DST: variants seen among roughly 807,000 people sequenced by gnomAD.
The protein encoded by DST is bullous pemphigoid antigen.
A neutral mutation model predicts 875.2 loss-of-function variants in DST; 253 were observed. The ratio of observed to expected loss-of-function variants is 0.29; its 90% CI spans 0.26 to 0.32. The LOEUF (loss-of-function observed/expected upper bound fraction) is 0.32. Ranked by LOEUF, DST falls within the 10% of genes least tolerant of loss-of-function variation. The pLI is 1.00. For missense variants in DST, 8,287 were observed against 9,111.6 expected (o/e 0.91, Z 3.68); for synonymous variants, 3,124 against 3,197.1 (o/e 0.98, Z 0.77).
chr6:56,832,007 T>C (rs2099787684), intron 4 of DST, among the ~76,000 whole-genome samples: 1 of 152,224 alleles, frequency 6.6e-6, no homozygotes, highest in Admixed American at 6.5e-5. Context: ...TAAATTTCTA[T>C]ATAGTTTTCT....
At chr6:56,477,569 A>G in intron 90 of DST, 81 bp from the exon 91 acceptor site, 1 of 1,554,062 alleles carries the variant, frequency 6.4e-7, no homozygotes, top group Non-Finnish European at 8.8e-7. Context: ...TGACTGCCAG[A>G]ATTAAACAAA....
rs530504957 is a variant in DST, at chr6:56,674,730, T to C, written c.1048-3923A>G. Among the ~76,000 whole-genome samples the C allele has an allele frequency of 2.0e-5, 3 of 152,300 alleles. No individual in the cohort carries two copies. In the South Asian group the frequency reaches 6.2e-4, roughly 32 times the overall value. On this transcript the variant is annotated intron_variant, in intron 9 of 103. Transcript: ENST00000680361. ...TTTAACCAAGGAGATAAAAGACCTT[T>C]ATACTGAAAACACTGATGAAAGAAA...
In DST at chr6:56,472,164, G is replaced by C; in HGVS notation, c.22053C>G (p.Thr7351=). ...YPSGSQTQIE[T]KNPRVNLLVS... is the part of the protein sequence containing the mutation. ...CCAGTAAGTTTACCCTAGGATTTTT[G>C]GTTTCAATTTGTGTCTGTGACCCAG... Residue 7351 remains threonine, a synonymous_variant, in exon 94 of 104, where the codon ACC becomes ACG. Transcript: ENST00000680361. 1 of 1,613,814 alleles carries C rather than the reference G, an allele frequency of 6.2e-7. No homozygotes were observed. Among genetic ancestry groups the C allele is most frequent in the Non-Finnish European group, 8.5e-7 (1 of 1,179,814 alleles).
intron 36 of DST, among the ~76,000 whole-genome samples, chr6:56,622,542 T>C (rs2098699800): frequency 8.6e-6 from 1 of 116,280 alleles, no homozygotes. Flanking sequence ...GCCACTGCAC[T>C]CCAGCCTGGG....
Position 56,608,254 on chromosome 6 carries a change from T to G in DST, c.6374A>C (p.Lys2125Thr). ...GTTGTTGTCTATAATTCCTAGCTGT[T>G]TAGCAGCATCCAAACCAATGACTTG... ...SSQVIGLDAA[K>T]QLGIIDNNTA... Residue 2125 changes from lysine to threonine, a missense_variant, in exon 40 of 104, where the codon AAA becomes ACA. By Grantham distance (78) the Lys-to-Thr change is moderately conservative. Coordinates refer to ENST00000680361, the MANE Select transcript of DST (RefSeq NM_001374736.1). The G allele has an allele frequency of 6.2e-7, 1 of 1,613,768 alleles. No individual in the cohort carries two copies.
At chr6:56,726,759 T>C (rs1455007499) in intron 5 of DST, among the ~76,000 whole-genome samples, 2 of 152,214 alleles carry the variant, frequency 1.3e-5, no homozygotes, top group Non-Finnish European at 2.9e-5. Flanking sequence ...CACTTCTCCA[T>C]CATAGAAGTA....
At chr6:56,807,506 A>C (rs548953273) in intron 4 of DST, among the ~76,000 whole-genome samples, 2 of 152,250 alleles carry the variant, frequency 1.3e-5, no homozygotes, top group Non-Finnish European at 2.9e-5. Flanking sequence ...TAAAGCTATC[A>C]TCATCAAGAT....
At position 56,607,832 on chromosome 6, in the gene DST, C is replaced by T; in HGVS notation, c.6796G>A (p.Gly2266Ser). The change falls in exon 40 of 104, where the codon GGT (glycine) becomes AGT (serine). Residue 2266 changes from glycine (G) to serine (S), a missense_variant. By Grantham distance (56) the Gly-to-Ser change is moderately conservative (BLOSUM62 0). Transcript: ENST00000680361. ...SSGVFLNNAS[G>S]REKDECTATP... ...GCTGTACATTCATCCTTTTCTCTAC[C>T]TGAAGCATTATTAAGAAATACACCA... is the stretch of plus-strand genomic sequence containing the variant. The T allele has an allele frequency of 6.2e-7, 1 of 1,613,488 alleles. No individual in the cohort carries two copies.
Position 56,615,015 on chromosome 6 carries a change from G to A in DST, c.4930-531C>T, listed in dbSNP as rs559059673. 6.7e-5 allele frequency: 67 copies of A among 998,634 alleles called. No homozygotes were observed. The African/African-American group carries it at 1.1e-3, about 16-fold the overall frequency. 61.9% of individuals were successfully genotyped at this position (998,634 alleles called of 1,614,324 possible). ...GTAAACATTTTAATATGCAAAGAAG[G>A]TCACTATATACAGAAAAAGGCAAAA... On this transcript the variant is annotated intron_variant, in intron 36 of 103. Transcript: ENST00000680361.
chr6:56,634,756 A>G (rs763378540), intron 25 of DST, 45 bp downstream of exon 25: 4 of 1,608,230 alleles, frequency 2.5e-6, no homozygotes, highest in East Asian at 4.5e-5. Context: ...TACAAAATAT[A>G]TGAATAATGA....
At chr6:56,614,728 G>C (rs2098595584) in intron 36 of DST, 1 of 1,117,498 alleles carries the variant, frequency 8.9e-7, no homozygotes, top group Non-Finnish European at 1.1e-6. Context: ...CCTCCCAGCT[G>C]TTCCATCAAT....
chr6:56,609,176 G>C lies in DST; in HGVS notation c.5452C>G (p.Leu1818Val), dbSNP rs1171597613. 3.1e-6 allele frequency: 5 copies of C among 1,613,676 alleles called. No individual in the cohort carries two copies. The African/African-American group carries it at 5.3e-5, about 17-fold the overall frequency. The change falls in exon 40 of 104, where the codon CTT (leucine) becomes GTT (valine). Residue 1818 changes from leucine to valine, a missense_variant. Around this residue, in one of 10 missense-constraint regions of DST, gnomAD observed 3,138 missense variants for 3,116.6 expected, o/e 1.01. Transcript: ENST00000680361. ...ISPELRKCFD[L>V]KDAKSHGLID... Reference sequence around the variant, plus strand: ...AGGCCATGACTTTTGGCATCTTTAAGGTCAAAGCACTTTCTTAATTCTGGT... The same window carrying C: ...AGGCCATGACTTTTGGCATCTTTAACGTCAAAGCACTTTCTTAATTCTGGT...
chr6:56,836,850 C>CAAAAAAAA (rs1362120373), intron 4 of DST, among the ~76,000 whole-genome samples: 1 of 74,454 alleles, frequency 1.3e-5, no homozygotes, highest in African/African-American at 5.7e-5. Flanking sequence ...GACTCCATCT[C>CAAAAAAAA]AAAAAAAAAA....
intron 10 of DST, among the ~76,000 whole-genome samples, chr6:56,661,314 T>C (rs1336749025): frequency 6.6e-6 from 1 of 152,208 alleles, no homozygotes; most frequent in Non-Finnish European, 1.5e-5. Context: ...GAGTTACATA[T>C]ACCGGCTGCT....
intron 3 of DST, among the ~76,000 whole-genome samples, chr6:56,874,581 A>C (rs1345880640): frequency 6.6e-6 from 1 of 152,176 alleles, no homozygotes; most frequent in Admixed American, 6.5e-5. Flanking sequence ...CATTGCTATC[A>C]TTCTCATTCT....
intron 75 of DST, among the ~76,000 whole-genome samples, chr6:56,507,262 A>T (rs1391377584): frequency 1.3e-5 from 2 of 152,234 alleles, no homozygotes; most frequent in Non-Finnish European, 2.9e-5. Context: ...AGGTACAAAG[A>T]TACCACAACA....
intron 5 of DST, among the ~76,000 whole-genome samples, chr6:56,729,367 G>A (rs1005658179): frequency 6.6e-6 from 1 of 152,108 alleles, no homozygotes; most frequent in Non-Finnish European, 1.5e-5. Flanking sequence ...GAGGCGGGCA[G>A]ACCACCTCAG....
intron 4 of DST, among the ~76,000 whole-genome samples, chr6:56,792,163 T>G (rs1368624971): frequency 6.6e-6 from 1 of 151,806 alleles, no homozygotes; most frequent in African/African-American, 2.4e-5. Context: ...CACACTGAGG[T>G]TTTTTTGTTT....
intron 101 of DST, 29 bp downstream of exon 101, chr6:56,463,536 G>C (rs2094440301): frequency 6.6e-7 from 1 of 1,524,110 alleles, no homozygotes; most frequent in African/African-American, 1.4e-5. Flanking sequence ...TTGCAAAGGT[G>C]GAGGAAAAGT....
Sources: allele counts gnomAD v4.1 joint callset (sites outside exome capture counted in the v4.1 genomes callset), GRCh38; gene constraint gnomAD v4.1.1; regional missense constraint gnomAD v4.1.1; transcripts MANE v1.5; gene names NCBI Gene and HGNC (gene_info 2026-07-23, HGNC 2026-07-21).